DLC1: variants seen among roughly 807,000 people sequenced by gnomAD.
DLC1 encodes DLC1 Rho GTPase activating protein.
A neutral mutation model predicts 140.3 loss-of-function variants in DLC1; 54 were observed. That is an observed-to-expected ratio of 0.38 (90% CI 0.31 to 0.48). The LOEUF is 0.48. DLC1 is among the 20% of genes least tolerant of loss of function. The pLI, the probability that DLC1 is intolerant of heterozygous loss-of-function variation, is 0.96. For missense variants in DLC1, 2,536 were observed against 1,907.0 expected, an observed-to-expected ratio of 1.33 and a Z score of -6.14; for synonymous variants, 986 against 728.1, an observed-to-expected ratio of 1.35 and a Z score of -5.70.
At chr8:13,211,564 A>G (rs780160200) in intron 5 of DLC1, among the ~76,000 whole-genome samples, 6 of 152,208 alleles carry the variant, frequency 3.9e-5, no homozygotes, top group Non-Finnish European at 7.3e-5. Flanking sequence ...AAGGAGAGCA[A>G]TATCTTCTGT....
At chr8:13,297,031 G>T (rs1026009673) in intron 5 of DLC1, among the ~76,000 whole-genome samples, 1 of 151,480 alleles carries the variant, frequency 6.6e-6, no homozygotes, top group Non-Finnish European at 1.5e-5. Context: ...AGAAATATTT[G>T]GAAAATTATC....
chr8:13,158,015 C>G (rs140801742), intron 5 of DLC1, among the ~76,000 whole-genome samples: 6 of 152,348 alleles, frequency 3.9e-5, no homozygotes, highest in African/African-American at 4.8e-5. Context: ...GGGTTTGGAA[C>G]TTGTGCATAC....
chr8:13,450,855 A>G (rs892472736), intron 2 of DLC1, among the ~76,000 whole-genome samples: 3 of 151,910 alleles, frequency 2.0e-5, no homozygotes, highest in African/African-American at 7.2e-5. Flanking sequence ...CCTGGCCAAC[A>G]TGGTGAAACC....
chr8:13,463,187 A>G (rs368531865), intron 2 of DLC1, among the ~76,000 whole-genome samples: 2 of 151,996 alleles, frequency 1.3e-5, no homozygotes, highest in Non-Finnish European at 2.9e-5. Flanking sequence ...AGACTTACCT[A>G]TCATAGTAAC....
intron 8 of DLC1, among the ~76,000 whole-genome samples, chr8:13,102,081 G>A (rs1819141108): frequency 6.6e-6 from 1 of 152,288 alleles, no homozygotes; most frequent in East Asian, 1.9e-4. Context: ...ACTTTTTGCA[G>A]CTCAGGGATT....
At chr8:13,489,987 T>C (rs1190104689) in intron 2 of DLC1, among the ~76,000 whole-genome samples, 1 of 152,190 alleles carries the variant, frequency 6.6e-6, no homozygotes, top group Non-Finnish European at 1.5e-5. Context: ...CCTAACAATC[T>C]TGTAAGGCCG....
chr8:13,339,022 G>A (rs564307592), intron 4 of DLC1, among the ~76,000 whole-genome samples: 56 of 152,216 alleles, frequency 3.7e-4, no homozygotes, highest in African/African-American at 1.2e-3. Context: ...GTAACAATGC[G>A]TATATCTGGT....
intron 2 of DLC1, among the ~76,000 whole-genome samples, chr8:13,441,176 T>C (rs1798492032): frequency 6.6e-6 from 1 of 152,178 alleles, no homozygotes; most frequent in Non-Finnish European, 1.5e-5. Context: ...TGCTAAAAAC[T>C]CTCAATAAAT....
chr8:13,377,328 A>G (rs568968123), intron 4 of DLC1, among the ~76,000 whole-genome samples: 10 of 152,356 alleles, frequency 6.6e-5, no homozygotes, highest in Admixed American at 4.6e-4. Context: ...AGCCCTTTAA[A>G]TTACATATCC....
At chr8:13,596,887 A>G (rs987452154) in intron 1 of DLC1, among the ~76,000 whole-genome samples, 1 of 151,932 alleles carries the variant, frequency 6.6e-6, no homozygotes, top group African/African-American at 2.4e-5. Context: ...GAATCATACA[A>G]TTGTTCTATA....
At chr8:13,126,380 C>A (rs559805520) in intron 5 of DLC1, among the ~76,000 whole-genome samples, 1 of 151,834 alleles carries the variant, frequency 6.6e-6, no homozygotes, top group East Asian at 1.9e-4. Context: ...CACACACACA[C>A]ACACACACAC....
intron 5 of DLC1, among the ~76,000 whole-genome samples, chr8:13,190,063 C>G (rs1826657742): frequency 6.6e-6 from 1 of 152,132 alleles, no homozygotes; most frequent in Admixed American, 6.6e-5. Context: ...TCAAAAGAAA[C>G]AGATGAAACT....
chr8:13,314,324 T>G (rs886571990), intron 4 of DLC1, among the ~76,000 whole-genome samples: 1 of 148,474 alleles, frequency 6.7e-6, no homozygotes, highest in Non-Finnish European at 1.5e-5. Context: ...ACATATATAT[T>G]ATAAATATAT....
intron 1 of DLC1, among the ~76,000 whole-genome samples, chr8:13,513,589 T>A (rs1802471897): frequency 6.6e-6 from 1 of 152,166 alleles, no homozygotes; most frequent in South Asian, 2.1e-4. Flanking sequence ...GAATATTTCT[T>A]CCCTTTATGT....
intron 1 of DLC1, among the ~76,000 whole-genome samples, chr8:13,581,466 T>A (rs1180419218): frequency 6.6e-6 from 1 of 152,224 alleles, no homozygotes; most frequent in African/African-American, 2.4e-5. Context: ...ATCTTGGTAC[T>A]AAATTTCACT....
intron 5 of DLC1, among the ~76,000 whole-genome samples, chr8:13,173,633 G>T (rs1465688342): frequency 6.6e-6 from 1 of 152,142 alleles, no homozygotes; most frequent in Non-Finnish European, 1.5e-5. Context: ...GCCTTCCAAA[G>T]TGCTGAGATT....
rs548861670 is a variant in DLC1 at position 13,233,210 on chromosome 8, C to T, written c.1348+72059G>A. 2.8e-5 allele frequency among the ~76,000 whole-genome samples: 4 copies of T among 143,820 alleles called. No individual in the cohort carries two copies. The East Asian group carries it at 8.3e-4, about 30-fold the overall frequency. 94.4% of individuals were successfully genotyped at this position (143,820 alleles called of 152,430 possible). On this transcript the variant is annotated intron_variant, in intron 5 of 17. Coordinates refer to ENST00000276297, the MANE Select transcript of DLC1 (RefSeq NM_182643.3). The stretch of plus-strand genomic sequence containing the variant: ...CTCAAGAGGCTGAGGCACCAGAATC[C>T]CTTGAACCTGGGAGGTGGAGGTTGC...
At chr8:13,433,404 A>T (rs189650366) in intron 2 of DLC1, among the ~76,000 whole-genome samples, 14 of 152,330 alleles carry the variant, frequency 9.2e-5, no homozygotes, top group African/African-American at 3.4e-4. Flanking sequence ...GTAGTTACAG[A>T]TCAAGAAAAA....
At chr8:13,468,614 C>G (rs1800058679) in intron 2 of DLC1, among the ~76,000 whole-genome samples, 5 of 151,792 alleles carry the variant, frequency 3.3e-5, no homozygotes, top group Admixed American at 3.3e-4. Context: ...GCTTCAAGCA[C>G]TCCTCCCACC....
Sources: gnomAD v4.1 joint callset for allele counts (sites outside exome capture counted in the v4.1 genomes callset) on GRCh38, gnomAD v4.1.1 for gene constraint, MANE v1.5 for transcripts, NCBI Gene and HGNC (gene_info 2026-07-23, HGNC 2026-07-21) for gene names.